Variants in CCDC66 observed in about 807,000 individuals in gnomAD.
CCDC66 encodes coiled-coil domain-containing protein 66.
A neutral mutation model predicts 128.3 loss-of-function variants in CCDC66; 133 were observed. That is an observed-to-expected ratio of 1.04 (90% CI 0.90 to 1.20). The LOEUF (loss-of-function observed/expected upper bound fraction) is 1.20, where lower values mean the gene tolerates loss of function less well. CCDC66 is among the 50% of genes most tolerant of loss of function. The pLI, the probability that CCDC66 is intolerant of heterozygous loss-of-function variation, is 0.00. For missense variants in CCDC66, 1,126 were observed against 1,075.5 expected, an observed-to-expected ratio of 1.05 and a Z score of -0.66; for synonymous variants, 387 against 357.0, an observed-to-expected ratio of 1.08 and a Z score of -0.95.
At position 56,610,431 on chromosome 3, in the gene CCDC66, C is replaced by G. The variant is rs548258760; in HGVS notation, c.1405-3158C>G. 5.3e-5 allele frequency among the ~76,000 whole-genome samples: 8 copies of G among 152,232 alleles called. No individual in the cohort carries two copies. The East Asian group carries it at 1.5e-3, about 29-fold the overall frequency. On this transcript the variant is annotated intron_variant, in intron 10 of 17. Transcript: ENST00000394672. ...AAGTTTCCTGAATTTTTGGTTTTTT[C>G]TTTAAGCTATCTATTTCACTGAATA...
intron 10 of CCDC66, among the ~76,000 whole-genome samples, chr3:56,599,872 T>C (rs752105474): frequency 6.6e-5 from 10 of 152,086 alleles, no homozygotes; most frequent in Admixed American, 3.3e-4. Context: ...TTGGATGAGA[T>C]GTTCTGTGTC....
rs932176931 is a variant in CCDC66, at chr3:56,599,911, T to C, written c.1404+5883T>C. On this transcript the variant is annotated intron_variant, in intron 10 of 17. Transcript: ENST00000394672. ...GTGTTCTCATGGTTCAACTCCCACT[T>C]ATGAGTGAGAACGTGCAGTGTTTGG... is the stretch of plus-strand genomic sequence containing the variant. Among the ~76,000 whole-genome samples the C allele has an allele frequency of 3.0e-4, 45 of 152,116 alleles. 1 individual carries two copies. The highest frequency in any genetic ancestry group is 1.1e-3 in the African/African-American group (44 of 41,344).
intron 3 of CCDC66, among the ~76,000 whole-genome samples, chr3:56,560,364 C>T (rs150534254): frequency 6.6e-6 from 1 of 152,132 alleles, no homozygotes; most frequent in Non-Finnish European, 1.5e-5. Flanking sequence ...AGCCACCATG[C>T]CCAGCTAATT....
chr3:56,607,238 G>T (rs2074203871), intron 10 of CCDC66, among the ~76,000 whole-genome samples: 5 of 152,198 alleles, frequency 3.3e-5, no homozygotes, highest in South Asian at 2.1e-4. Context: ...TTGGCAGTAT[G>T]GTCATTTTCA....
intron 7 of CCDC66, among the ~76,000 whole-genome samples, chr3:56,580,065 A>G (rs1215746024): frequency 6.6e-6 from 1 of 151,812 alleles, no homozygotes; most frequent in Admixed American, 6.6e-5. Flanking sequence ...TAGGTCTCTA[A>G]GGACTTGCTT....
chr3:56,597,564 G>T (rs1399364697), intron 10 of CCDC66, among the ~76,000 whole-genome samples: 4 of 151,798 alleles, frequency 2.6e-5, no homozygotes, highest in Admixed American at 6.6e-5. Context: ...CTGTTTTGTA[G>T]TTTTTTATGT....
At chr3:56,597,261 T>A (rs1293527017) in intron 10 of CCDC66, among the ~76,000 whole-genome samples, 1 of 152,082 alleles carries the variant, frequency 6.6e-6, no homozygotes, top group Non-Finnish European at 1.5e-5. Flanking sequence ...GATCTATATG[T>A]CTGTTTTTAT....
intron 7 of CCDC66, among the ~76,000 whole-genome samples, chr3:56,587,120 C>G (rs1290283181): frequency 6.6e-6 from 1 of 151,800 alleles, no homozygotes; most frequent in African/African-American, 2.4e-5. Flanking sequence ...AAATAAATTT[C>G]AAGTCCTAAG....
chr3:56,598,804 G>A lies in CCDC66; in HGVS notation c.1404+4776G>A, dbSNP rs572187034. On this transcript the variant is annotated intron_variant, in intron 10 of 17. Coordinates refer to ENST00000394672, the MANE Select transcript of CCDC66 (RefSeq NM_001141947.3). ...GTATTAGTTTTCTCATGTGCTGTTG[G>A]ATTGAGTTTGCTAGTATTTTGTTGA... Among the ~76,000 whole-genome samples, 303 of 152,132 alleles carry A rather than the reference G, an allele frequency of 2.0e-3. 13 individuals are homozygous for A. The South Asian group carries it at 0.058, about 29-fold the overall frequency.
At position 56,563,978 on chromosome 3, in the gene CCDC66, C is replaced by A. The variant is rs769951066; in HGVS notation, c.397C>A (p.Gln133Lys). The change falls in exon 4 of 18, where the codon CAG (glutamine) becomes AAG (lysine). Residue 133 changes from glutamine (Q) to lysine (K), a missense_variant. Coordinates refer to ENST00000394672, the MANE Select transcript of CCDC66 (RefSeq NM_001141947.3). ...CGTAAATACATCTCTAGTAGGTAAA[C>A]AGAAGCCTCACAAAAAACACATCAC... ...NTVNTSLVGK[Q>K]KPHKKHITAE... 2.5e-6 allele frequency: 4 copies of A among 1,613,850 alleles called. No homozygotes were observed. The African/African-American group carries it at 5.3e-5, about 22-fold the overall frequency.
rs200344512 is a variant in CCDC66 at position 56,571,245 on chromosome 3, A to G, written c.879A>G (p.Lys293=). ...EVSEKWNDPW[K]KSESDKIIWE... ...CTGAAAAATGGAATGATCCTTGGAA[A>G]AAATCTGAAAGTGATAAAATAATAT... Residue 293 remains lysine, a synonymous_variant, in exon 7 of 18, where the codon AAA becomes AAG. Coordinates refer to ENST00000394672, the MANE Select transcript of CCDC66 (RefSeq NM_001141947.3). 1.3e-6 allele frequency: 2 copies of G among 1,550,344 alleles called. No homozygotes were observed. The highest frequency in any genetic ancestry group is 2.3e-5 in the East Asian group (1 of 44,096).
intron 4 of CCDC66, chr3:56,565,262 AT>A: frequency 4.8e-6 from 1 of 209,530 alleles, no homozygotes. Context: ...TTGTGTTATA[AT>A]TTTTATTTTA....
intron 11 of CCDC66, among the ~76,000 whole-genome samples, chr3:56,614,624 T>A (rs182895617): frequency 6.6e-6 from 1 of 152,324 alleles, no homozygotes; most frequent in Non-Finnish European, 1.5e-5. Context: ...GCTAAAGTTT[T>A]AAAGTGTAGA....
At chr3:56,591,685 G>T (rs1358598501) in intron 7 of CCDC66, among the ~76,000 whole-genome samples, 1 of 152,154 alleles carries the variant, frequency 6.6e-6, no homozygotes, top group Non-Finnish European at 1.5e-5. Context: ...TCCTTTTGAA[G>T]TGATTGTTTT....
At chr3:56,583,915 T>C (rs35859349) in intron 7 of CCDC66, among the ~76,000 whole-genome samples, 8,221 of 69,922 alleles carry the variant, frequency 0.12, 631 homozygotes, top group East Asian at 0.21. Context: ...GGGCGGCGGC[T>C]GGGCGGGGGC....
intron 14 of CCDC66, 28 bp from the exon 15 acceptor site, chr3:56,618,144 T>C (rs187962643): frequency 1.3e-6 from 2 of 1,574,756 alleles, no homozygotes; most frequent in African/African-American, 2.7e-5. Flanking sequence ...TATATATTCC[T>C]TTCTGCATTT....
Position 56,593,022 on chromosome 3 carries a change from GA to G in CCDC66, c.993del (p.Lys331AsnfsTer6). 6.2e-7 allele frequency: 1 copy of G among 1,610,750 alleles called. No homozygotes were observed. The highest frequency in any genetic ancestry group is 1.1e-5 in the South Asian group (1 of 90,492). ...PFSAVKQELQ[R>X]KWIEELNKQI... is the part of the protein sequence containing the mutation. ...AGTGCTGTGAAACAAGAACTGCAAA[GA>G]AAATGGATTGAAGAGTTGAATAAGC... On this transcript the variant is annotated frameshift_variant, in exon 8 of 18. Transcript: ENST00000394672. LOFTEE classifies it high-confidence loss of function.
At chr3:56,619,746 T>C (rs752216695) in intron 16 of CCDC66, 31 bp from the exon 17 acceptor site, 1 of 1,611,298 alleles carries the variant, frequency 6.2e-7, no homozygotes, top group Non-Finnish European at 8.5e-7. Flanking sequence ...CTAATGTAAT[T>C]GACTGACTTG....
At chr3:56,596,053 T>C (rs2071845436) in intron 10 of CCDC66, among the ~76,000 whole-genome samples, 1 of 152,148 alleles carries the variant, frequency 6.6e-6, no homozygotes, top group African/African-American at 2.4e-5. Flanking sequence ...TAGCTGATAT[T>C]ACAAGCATGC....
Sources: allele counts gnomAD v4.1 joint callset (sites outside exome capture counted in the v4.1 genomes callset), GRCh38; gene constraint gnomAD v4.1.1; transcripts MANE v1.5; gene names NCBI Gene and HGNC (gene_info 2026-07-23, HGNC 2026-07-21).